PCM1: variants seen among roughly 807,000 people sequenced by gnomAD.
PCM1 encodes pericentriolar material 1.
Under a neutral mutation model 241.9 loss-of-function variants are expected in PCM1, and 157 were observed. The ratio of observed to expected loss-of-function variants is 0.65; its 90% CI spans 0.57 to 0.74. The LOEUF is 0.74. Ranked by LOEUF, PCM1 falls within the 30% of genes least tolerant of loss-of-function variation. The pLI, the probability that PCM1 is intolerant of heterozygous loss-of-function variation, is 0.00. For synonymous variants in PCM1, 1,085 were observed against 784.9 expected (o/e 1.38, Z -6.39); for missense variants, 3,478 against 2,360.1 (o/e 1.47, Z -9.81).
rs1381202197 is a variant in PCM1, at chr8:17,960,315, A to G, written c.2193A>G (p.Arg731=). Residue 731 remains arginine, a splice_region_variant and synonymous_variant, in exon 15 of 39, where the codon AGA becomes AGG. Coordinates refer to ENST00000325083, the MANE Select transcript of PCM1 (RefSeq NM_006197.4). ...AAATATAATGTCAATTTAATTGTAG[A>G]GAGAAATTTTATGAGGCTAAACTAC... ...QKDTGVNEKA[R]EKFYEAKLQQ... 4 of 1,591,600 alleles carry G rather than the reference A, an allele frequency of 2.5e-6. No individual in the cohort carries two copies.
At chr8:17,938,087 G>A (rs986007583) in intron 4 of PCM1, among the ~76,000 whole-genome samples, 13 of 152,044 alleles carry the variant, frequency 8.6e-5, no homozygotes, top group African/African-American at 3.1e-4. Context: ...AATACTATAA[G>A]CAAGTAATAA....
At chr8:17,939,589 C>T (rs567314874) in intron 5 of PCM1, 102 bp from the exon 6 acceptor site, 252 of 560,970 alleles carry the variant, frequency 4.5e-4, no homozygotes, top group African/African-American at 4.0e-3. Context: ...TGGTTATCTT[C>T]GAAATAAAAA....
At chr8:17,983,428 T>C (rs2081596643) in intron 24 of PCM1, 1 of 331,304 alleles carries the variant, frequency 3.0e-6, no homozygotes, top group South Asian at 3.1e-5. Flanking sequence ...AAAAGATAAT[T>C]TATATTCATA....
rs2057667899 is a variant in PCM1 at position 17,927,989 on chromosome 8, T to G, written c.-23+3209T>G. 3 of 151,514 alleles carry G rather than the reference T, an allele frequency of 2.0e-5. No homozygotes were observed. In the South Asian group the frequency reaches 6.2e-4, roughly 32 times the overall value. The allele number at this position is 151,514 out of a possible 1,614,324, so 9.4% of individuals were successfully genotyped here. ...CTGTTAAAAATAGCTAAATGAAACT[T>G]GAAAGTAACAGTTTCAACTTCGTTT... On this transcript the variant is annotated intron_variant, in intron 2 of 38. Coordinates refer to ENST00000325083, the MANE Select transcript of PCM1 (RefSeq NM_006197.4).
At chr8:17,979,975 A>G (rs2080132640) in intron 23 of PCM1, among the ~76,000 whole-genome samples, 1 of 152,138 alleles carries the variant, frequency 6.6e-6, no homozygotes, top group South Asian at 2.1e-4. Flanking sequence ...TAAAACCCCA[A>G]ATATTGGAAT....
intron 2 of PCM1, among the ~76,000 whole-genome samples, chr8:17,930,625 T>G (rs906829735): frequency 6.6e-6 from 1 of 151,398 alleles, no homozygotes; most frequent in Non-Finnish European, 1.5e-5. Context: ...ACGCCTGTAA[T>G]CCCAGCACTT....
chr8:18,008,167 G>T (rs1488265442), intron 30 of PCM1, among the ~76,000 whole-genome samples: 1 of 152,096 alleles, frequency 6.6e-6, no homozygotes, highest in Non-Finnish European at 1.5e-5. Flanking sequence ...AGCTTCATCT[G>T]TATTTACAGT....
intron 26 of PCM1, among the ~76,000 whole-genome samples, chr8:17,986,822 T>G (rs2082763383): frequency 6.6e-6 from 1 of 151,854 alleles, no homozygotes; most frequent in South Asian, 2.1e-4. Flanking sequence ...CTCTAGCACC[T>G]AGAGATACAT....
At chr8:18,002,053 A>AT (rs777500160) in intron 29 of PCM1, among the ~76,000 whole-genome samples, 3 of 9,992 alleles carry the variant, frequency 3.0e-4, no homozygotes, top group African/African-American at 9.6e-4. Flanking sequence ...GATCTGTTAA[A>AT]TTTTTTTTTT....
chr8:17,947,200 G>A lies in PCM1; in HGVS notation c.798G>A (p.Gln266=). 4.4e-6 allele frequency: 7 copies of A among 1,603,360 alleles called. No individual in the cohort carries two copies. Among genetic ancestry groups the A allele is most frequent in the Non-Finnish European group, 6.0e-6 (7 of 1,173,154 alleles). The stretch of plus-strand genomic sequence containing the variant: ...TTATTTTCCAGGCCAGAGATCCTCA[G>A]CAGGAGCCTATGGAAGAGATAGAAA... ...FLKKILARDP[Q]QEPMEEIENL... Residue 266 remains glutamine, a synonymous_variant, in exon 7 of 39, where the codon CAG becomes CAA. Coordinates refer to ENST00000325083, the MANE Select transcript of PCM1 (RefSeq NM_006197.4).
chr8:18,013,748 C>CTG (rs1016604649), intron 34 of PCM1: 25 of 426,032 alleles, frequency 5.9e-5, no homozygotes, highest in African/African-American at 1.9e-4. Context: ...TTGTATTATA[C>CTG]TGTGTGTGTG....
intron 22 of PCM1, among the ~76,000 whole-genome samples, chr8:17,970,230 C>T (rs914396013): frequency 1.4e-4 from 21 of 152,084 alleles, no homozygotes; most frequent in African/African-American, 4.8e-4. Flanking sequence ...AGGATTTCTT[C>T]TGAAACAGAG....
chr8:17,987,233 G>T (rs2082914292), intron 26 of PCM1, among the ~76,000 whole-genome samples: 1 of 151,766 alleles, frequency 6.6e-6, no homozygotes, highest in Non-Finnish European at 1.5e-5. Context: ...ATTCCTTTTT[G>T]TGGGAAATGA....
chr8:17,970,184 CAT>C (rs1564047225), intron 22 of PCM1, among the ~76,000 whole-genome samples: 1 of 151,986 alleles, frequency 6.6e-6, no homozygotes, highest in Non-Finnish European at 1.5e-5. Context: ...ACTTTTGTCT[CAT>C]AAGTTTTGAG....
chr8:18,011,935 T>G (rs2092574731), intron 34 of PCM1, 108 bp downstream of exon 34: 1 of 981,610 alleles, frequency 1.0e-6, no homozygotes, highest in Non-Finnish European at 1.5e-6. Context: ...ATATTCAGGT[T>G]TCATGAATGC....
intron 6 of PCM1, among the ~76,000 whole-genome samples, chr8:17,943,034 T>G (rs2062676223): frequency 6.6e-6 from 1 of 152,002 alleles, no homozygotes; most frequent in South Asian, 2.1e-4. Flanking sequence ...AAAATACCAT[T>G]TATAAAAGTG....
Position 17,972,435 on chromosome 8 carries a change from T to A in PCM1, c.3691T>A (p.Ser1231Thr). 6.2e-7 allele frequency: 1 copy of A among 1,612,884 alleles called. No homozygotes were observed. Among genetic ancestry groups the A allele is most frequent in the Non-Finnish European group, 8.5e-7 (1 of 1,179,266 alleles). ...KPFIKTGFSV[S>T]VEKSTSSNRK... is the part of the protein sequence containing the mutation. ...ATTTATCAAGACTGGATTTTCAGTGTCTGTAGAAAAATCTACAAGTAGTAA... is the reference window on the plus strand; with the variant it reads ...ATTTATCAAGACTGGATTTTCAGTGACTGTAGAAAAATCTACAAGTAGTAA... The change falls in exon 23 of 39, where the codon TCT (serine) becomes ACT (threonine). Residue 1231 changes from serine (S) to threonine (T), a missense_variant. Ser to Thr is a moderately conservative substitution (Grantham distance 58, BLOSUM62 1). Transcript: ENST00000325083.
At position 17,991,715 on chromosome 8, in the gene PCM1, T is replaced by G. The variant is rs1303415242; in HGVS notation, c.4690+15T>G. On this transcript the variant is annotated intron_variant, in intron 28 of 38. Transcript: ENST00000325083. ...TAATTTAGAAGGTATATATTTTTGT[T>G]TTCGGTAGGTTTTTGGAGAACAGGT... 1 of 1,531,276 alleles carries G rather than the reference T, an allele frequency of 6.5e-7. No homozygotes were observed. The highest frequency in any genetic ancestry group is 8.8e-7 in the Non-Finnish European group (1 of 1,134,936). 94.9% of individuals were successfully genotyped at this position (1,531,276 alleles called of 1,614,324 possible). A position where few individuals can be genotyped will look rare whatever the true frequency, so the allele number is the denominator to read the frequency against.
At chr8:17,936,956 A>G (rs183784342) in intron 3 of PCM1, among the ~76,000 whole-genome samples, 178 bp from the exon 4 acceptor site, 3 of 152,344 alleles carry the variant, frequency 2.0e-5, no homozygotes, top group Admixed American at 2.0e-4. Context: ...AAATTAAGGT[A>G]GATGTAATGA....
Sources: gnomAD v4.1 joint callset for allele counts (sites outside exome capture counted in the v4.1 genomes callset) on GRCh38, gnomAD v4.1.1 for gene constraint, MANE v1.5 for transcripts, NCBI Gene and HGNC (gene_info 2026-07-23, HGNC 2026-07-21) for gene names.